The following SAP130 variants were observed in gnomAD, a reference collection of about 807,000 sequenced individuals.
SAP130 encodes the protein histone deacetylase complex subunit SAP130.
SAP130 carries 16 observed loss-of-function variants against 103.2 expected under a neutral mutation model. The ratio of observed to expected loss-of-function variants is 0.16; its 90% confidence interval spans 0.10 to 0.24. The LOEUF is 0.24. Among genes scored for constraint, SAP130 ranks in the 10% least tolerant of loss-of-function variants. The pLI, the probability that SAP130 is intolerant of heterozygous loss-of-function variation, is 1.00. For synonymous variants in SAP130, 477 were observed against 497.0 expected (o/e 0.96, Z 0.53); for missense variants, 990 against 1,359.7 (o/e 0.73, Z 4.28).
At chr2:128,013,218 T>C in intron 5 of SAP130, 64 bp from the exon 6 acceptor site, 1 of 1,447,954 alleles carries the variant, frequency 6.9e-7, no homozygotes, top group Non-Finnish European at 9.2e-7. Context: ...ATAATCAGTA[T>C]GTTTCCCAAA....
In SAP130 at chr2:128,002,521, T is replaced by C. The variant is rs1410861075; in HGVS notation, c.870-2067A>G. On this transcript the variant is annotated intron_variant, in intron 7 of 20. Coordinates refer to ENST00000643581, the MANE Select transcript of SAP130 (RefSeq NM_001330301.2). Reference sequence around the variant, plus strand: ...TCTAGCCTGGGTGACAGCGCAAGAGTCTGTCTCAAAAAAATAAATAAAAAA... The same window carrying C: ...TCTAGCCTGGGTGACAGCGCAAGAGCCTGTCTCAAAAAAATAAATAAAAAA... Among the ~76,000 whole-genome samples the C allele has an allele frequency of 3.3e-5, 5 of 150,444 alleles. No individual in the cohort carries two copies. In the East Asian group the frequency reaches 9.9e-4, roughly 30 times the overall value.
chr2:128,017,076 A>G (rs757931896), intron 3 of SAP130, among the ~76,000 whole-genome samples: 10 of 152,250 alleles, frequency 6.6e-5, no homozygotes, highest in Non-Finnish European at 1.3e-4. Flanking sequence ...AATCCCAGCA[A>G]TCTGGGAAGC....
intron 15 of SAP130, among the ~76,000 whole-genome samples, chr2:127,956,304 G>A (rs2104766616): frequency 6.6e-6 from 1 of 152,312 alleles, no homozygotes; most frequent in Non-Finnish European, 1.5e-5. Flanking sequence ...TGCATCCTCT[G>A]TAATAGCCTT....
chr2:128,013,526 G>C (rs1684550390), intron 5 of SAP130, among the ~76,000 whole-genome samples: 1 of 152,086 alleles, frequency 6.6e-6, no homozygotes, highest in Admixed American at 6.6e-5. Context: ...TTGCCAAAGG[G>C]ACACATTATG....
intron 7 of SAP130, among the ~76,000 whole-genome samples, chr2:128,004,359 T>TC (rs1683807327): frequency 7.7e-6 from 1 of 129,096 alleles, no homozygotes; most frequent in Non-Finnish European, 1.6e-5. Context: ...TTGCTTTCTT[T>TC]CCTTTTTTTT....
At chr2:128,015,027 C>A (rs1684672701) in intron 4 of SAP130, 113 bp from the exon 5 acceptor site, 1 of 748,942 alleles carries the variant, frequency 1.3e-6, no homozygotes, top group East Asian at 2.7e-5. Flanking sequence ...AGTGAGTATC[C>A]CAAGAGAAAG....
chr2:127,964,993 T>G (rs1156970826), intron 15 of SAP130, among the ~76,000 whole-genome samples: 4 of 66,092 alleles, frequency 6.1e-5, no homozygotes. Flanking sequence ...AATGAGACTC[T>G]GTCTCAAAAA....
intron 1 of SAP130, 118 bp from the exon 2 acceptor site, chr2:128,026,416 A>T: frequency 1.5e-6 from 1 of 654,144 alleles, no homozygotes; most frequent in Non-Finnish European, 2.7e-6. Context: ...ATGCTGCATC[A>T]TTTATTTAAA....
Position 127,950,360 on chromosome 2 carries a change from A to G in SAP130, c.2471T>C (p.Leu824Pro), listed in dbSNP as rs374263744. Reference sequence around the variant, plus strand: ...TGTAGGCATGGACAAGTTGTTTGCCAGCAATGCAAGAGATGGAGACACAGT... The same window carrying G: ...TGTAGGCATGGACAAGTTGTTTGCCGGCAATGCAAGAGATGGAGACACAGT... ...TNTVSPSLALLANNLSMPTSD... is the reference protein window; with the variant it reads ...TNTVSPSLALPANNLSMPTSD... Residue 824 changes from leucine to proline, a missense_variant, in exon 17 of 21, where the codon CTG (leucine) becomes CCG (proline). Leu to Pro is a moderately conservative substitution (Grantham distance 98). This residue lies in a region of SAP130 where 349 missense variants were observed against 384.1 expected (regional missense o/e 0.91). Transcript: ENST00000643581. 21 of 1,614,112 alleles carry G rather than the reference A, an allele frequency of 1.3e-5. No individual in the cohort carries two copies. The African/African-American group carries it at 2.5e-4, about 19-fold the overall frequency.
intron 15 of SAP130, among the ~76,000 whole-genome samples, chr2:127,965,348 C>A (rs994423070): frequency 6.6e-6 from 1 of 152,088 alleles, no homozygotes; most frequent in Non-Finnish European, 1.5e-5. Flanking sequence ...CCCAAGTAGT[C>A]CCAGCTACTT....
At chr2:128,027,669 C>T (rs1017715163) in intron 1 of SAP130, among the ~76,000 whole-genome samples, 24 of 143,394 alleles carry the variant, frequency 1.7e-4, no homozygotes, top group African/African-American at 5.6e-4. Context: ...GCTCTGCTTC[C>T]CCGCCAAGGC....
chr2:127,986,898 A>G lies in SAP130; in HGVS notation c.1845T>C (p.Ala615=), dbSNP rs1221517810. The G allele has an allele frequency of 1.2e-6, 2 of 1,614,076 alleles. No homozygotes were observed. The highest frequency in any genetic ancestry group is 1.3e-5 in the African/African-American group (1 of 74,930). ...ANPISNPFSA[A]PAATTVVQTH... ...TCTGCACCACGGTTGTTGCTGCTGG[A>G]GCAGCACTGAATGGATTGCTAATAG... Residue 615 remains alanine (A), a synonymous_variant, in exon 14 of 21, where the codon GCT becomes GCC. Coordinates refer to ENST00000643581, the MANE Select transcript of SAP130 (RefSeq NM_001330301.2). The surrounding 1 kb of genome is among the most constrained non-coding windows in gnomAD (Gnocchi z 4.7).
Position 127,941,517 on chromosome 2 carries a change from C to A in SAP130, c.*489G>T, listed in dbSNP as rs1319847672. On this transcript the variant is annotated 3_prime_UTR_variant, in exon 21 of 21. Coordinates refer to ENST00000643581, the MANE Select transcript of SAP130 (RefSeq NM_001330301.2). ...TGGCAGCTCGCTTGGTGCCGTGGCA[C>A]TGCTGTAAAAGGCCAACATGGGCAT... The A allele has an allele frequency of 1.3e-5, 2 of 155,082 alleles. No individual in the cohort carries two copies. Among genetic ancestry groups the A allele is most frequent in the Non-Finnish European group, 2.9e-5 (2 of 70,014 alleles). The allele number at this position is 155,082 out of a possible 1,614,324, so 9.6% of individuals were successfully genotyped here. A position where few individuals can be genotyped will look rare whatever the true frequency, so the allele number is the denominator to read the frequency against.
At chr2:127,987,164 T>A (rs1267435635) in intron 13 of SAP130, among the ~76,000 whole-genome samples, 2 of 152,204 alleles carry the variant, frequency 1.3e-5, no homozygotes, top group East Asian at 3.8e-4. Context: ...AGTCTACTGA[T>A]GCATGATCCA....
chr2:127,947,550 A>G (rs1418958442), intron 18 of SAP130, among the ~76,000 whole-genome samples: 8 of 152,172 alleles, frequency 5.3e-5, no homozygotes, highest in African/African-American at 1.7e-4. Flanking sequence ...TCATAAAATA[A>G]ATTTGGAATG....
At chr2:128,008,776 C>T (rs1684165135) in intron 7 of SAP130, among the ~76,000 whole-genome samples, 1 of 151,788 alleles carries the variant, frequency 6.6e-6, no homozygotes, top group African/African-American at 2.4e-5. Context: ...GACTCAATCT[C>T]CAGGGCTCAA....
intron 18 of SAP130, among the ~76,000 whole-genome samples, chr2:127,947,811 G>A (rs1026051966): frequency 1.4e-4 from 6 of 44,200 alleles, no homozygotes; most frequent in Non-Finnish European, 4.3e-4. Context: ...TTTTGAGACG[G>A]AGTCTCACTC....
At chr2:128,027,242 C>T (rs932970124) in intron 1 of SAP130, 1 of 1,192,480 alleles carries the variant, frequency 8.4e-7, no homozygotes, top group African/African-American at 1.6e-5. Context: ...TGTCCAGCCC[C>T]GCTGGCCCCA....
chr2:128,014,782 A>G (rs1402552817), intron 5 of SAP130, 21 bp downstream of exon 5: 5 of 1,549,570 alleles, frequency 3.2e-6, no homozygotes, highest in African/African-American at 2.7e-5. Context: ...GAGAGTTTGA[A>G]CAAAACTTGC....
Sources: allele counts gnomAD v4.1 joint callset (sites outside exome capture counted in the v4.1 genomes callset), GRCh38; gene constraint gnomAD v4.1.1; regional missense constraint gnomAD v4.1.1; non-coding constraint Gnocchi (gnomAD v3.1); transcripts MANE v1.5; gene names NCBI Gene and HGNC (gene_info 2026-07-23, HGNC 2026-07-21).